TMEM8B: variants seen among roughly 807,000 people sequenced by gnomAD.
TMEM8B encodes the protein transmembrane protein 8B.
A neutral mutation model predicts 49.3 loss-of-function variants in TMEM8B; 29 were observed. The ratio of observed to expected loss-of-function variants is 0.59; its 90% CI spans 0.44 to 0.80. TMEM8B has a LOEUF of 0.80. Among genes scored for constraint, TMEM8B ranks in the 30% least tolerant of loss-of-function variants. The probability of loss-of-function intolerance (pLI) is 0.00; values close to 1 mark genes in which losing one functional copy is unlikely to be tolerated. For missense variants in TMEM8B, 575 were observed against 658.5 expected (o/e 0.87, Z 1.39); for synonymous variants, 264 against 272.8 (o/e 0.97, Z 0.32).
chr9:35,861,485 C>T lies in TMEM8B; in HGVS notation c.*7645C>T, dbSNP rs1450928668. 1 of 152,592 alleles carries T rather than the reference C, an allele frequency of 6.6e-6. No individual in the cohort carries two copies. The highest frequency in any genetic ancestry group is 2.4e-5 in the African/African-American group (1 of 41,454). The allele number at this position is 152,592 out of a possible 1,614,324, so 9.5% of individuals were successfully genotyped here. A position where few individuals can be genotyped will look rare whatever the true frequency, so the allele number is the denominator to read the frequency against. ...TGTGTCATTGTGCGCTGTGGTGCAC[C>T]TGTCTTCTCTACTACACCTTAAGAG... On this transcript the variant is annotated 3_prime_UTR_variant, in exon 13 of 13. Coordinates refer to ENST00000643932, the MANE Select transcript of TMEM8B (RefSeq NM_001042590.4).
At chr9:35,836,716 C>T (rs1830480016) in intron 3 of TMEM8B, among the ~76,000 whole-genome samples, 1 of 152,232 alleles carries the variant, frequency 6.6e-6, no homozygotes, top group Non-Finnish European at 1.5e-5. Flanking sequence ...ATAACTAGGT[C>T]TGACATGTGC....
At position 35,862,890 on chromosome 9, in the gene TMEM8B, G is replaced by A. The variant is rs1588199969; in HGVS notation, c.*9050G>A. The A allele has an allele frequency of 1.3e-5, 2 of 152,302 alleles. No homozygotes were observed. The highest frequency in any genetic ancestry group is 1.9e-4 in the East Asian group (1 of 5,186). 9.4% of individuals were successfully genotyped at this position (152,302 alleles called of 1,614,324 possible). A position where few individuals can be genotyped will look rare whatever the true frequency, so the allele number is the denominator to read the frequency against. On this transcript the variant is annotated 3_prime_UTR_variant, in exon 13 of 13. Coordinates refer to ENST00000643932, the MANE Select transcript of TMEM8B (RefSeq NM_001042590.4). ...TAGACTATGAGCTATTGCAGTGAAA[G>A]GGCTGTGTCCTTCATCACTGTCACC...
Position 35,829,847 on chromosome 9 carries a change from C to G in TMEM8B, c.400C>G (p.Pro134Ala), listed in dbSNP as rs951285445. ...ACCCAAGTCTCTCCCTCTAGTCCCC[C>G]CTATCTCTCATACTCTGCCCCTCTC... is the stretch of plus-strand genomic sequence containing the variant. Reference protein sequence around the residue: ...CLPKSLPLVPPISHTLPLSQP... With the variant: ...CLPKSLPLVPAISHTLPLSQP... Residue 134 changes from proline (P) to alanine (A), a missense_variant, in exon 1 of 13, where the codon CCT becomes GCT. Pro to Ala is a conservative substitution (Grantham distance 27). Transcript: ENST00000643932. 2.9e-5 allele frequency: 12 copies of G among 416,426 alleles called. No individual in the cohort carries two copies. The highest frequency in any genetic ancestry group is 3.1e-4 in the Middle Eastern group (1 of 3,226). The allele number at this position is 416,426 out of a possible 1,614,324, so 25.8% of individuals were successfully genotyped here.
rs1831169668 is a variant in TMEM8B, at chr9:35,842,942, GT to G, written c.1635+228del. 6.6e-6 allele frequency among the ~76,000 whole-genome samples: 1 copy of G among 152,188 alleles called. No homozygotes were observed. The highest frequency in any genetic ancestry group is 1.5e-5 in the Non-Finnish European group (1 of 68,026). On this transcript the variant is annotated intron_variant, in intron 6 of 12. Transcript: ENST00000643932. The surrounding 1 kb of genome is among the most constrained non-coding windows in gnomAD (Gnocchi z 5.6). ...CAACCAGGTCAACTCAGTGTCTGGG[GT>G]TTCCCAGTTTTGTAGGCTCACTTCC... is the stretch of plus-strand genomic sequence containing the variant.
Position 35,853,026 on chromosome 9 carries a change from C to T in TMEM8B, c.2322+53C>T. The T allele has an allele frequency of 6.2e-7, 1 of 1,611,972 alleles. No homozygotes were observed. Among genetic ancestry groups the T allele is most frequent in the Non-Finnish European group, 8.5e-7 (1 of 1,178,524 alleles). On this transcript the variant is annotated intron_variant, in intron 11 of 12. Transcript: ENST00000643932. The surrounding 1 kb of genome is among the most constrained non-coding windows in gnomAD (Gnocchi z 4.2). ...AACCATGGCCAAGTCTCCTTGAAAT[C>T]CACTCCTGACCTCTCCCTGGGGGCA...
At chr9:35,848,405 C>T (rs554645651) in intron 10 of TMEM8B, among the ~76,000 whole-genome samples, 78 of 152,320 alleles carry the variant, frequency 5.1e-4, no homozygotes, top group African/African-American at 1.4e-3. Context: ...AGCCCACTCT[C>T]GGCTACATGC....
At position 35,846,779 on chromosome 9, in the gene TMEM8B, G is replaced by A. The variant is rs367686498; in HGVS notation, c.1997-38G>A. On this transcript the variant is annotated intron_variant, in intron 9 of 12. Coordinates refer to ENST00000643932, the MANE Select transcript of TMEM8B (RefSeq NM_001042590.4). ...GCTGTGGCGTAGGCCCATAGCTGCCGTCTGTTCTCTTCCATTCTGTGCCTT... is the reference window on the plus strand; with the variant it reads ...GCTGTGGCGTAGGCCCATAGCTGCCATCTGTTCTCTTCCATTCTGTGCCTT... 3.1e-6 allele frequency: 5 copies of A among 1,589,624 alleles called. No homozygotes were observed. The African/African-American group carries it at 6.7e-5, about 21-fold the overall frequency.
In TMEM8B at chr9:35,834,534, C is replaced by T. The variant is rs543865814; in HGVS notation, c.582C>T (p.Thr194=). Reference sequence around the variant, plus strand: ...GTCCTTTCCGCTCCTTTGCCAGCACCGAGCTCTTCCACTTCCATGTTCCTG... The same window carrying T: ...GTCCTTTCCGCTCCTTTGCCAGCACTGAGCTCTTCCACTTCCATGTTCCTG... ...KLSPFRSFAS[T]ELFHFHVPED... Residue 194 remains threonine, a synonymous_variant, in exon 2 of 13, where the codon ACC becomes ACT. Transcript: ENST00000643932. The T allele has an allele frequency of 3.6e-5, 15 of 416,492 alleles. No individual in the cohort carries two copies. Among genetic ancestry groups the T allele is most frequent in the East Asian group, 3.2e-4 (9 of 28,092 alleles). 25.8% of individuals were successfully genotyped at this position (416,492 alleles called of 1,614,324 possible). A position where few individuals can be genotyped will look rare whatever the true frequency, so the allele number is the denominator to read the frequency against.
chr9:35,829,558 A>G lies in TMEM8B; in HGVS notation c.111A>G (p.Pro37=), dbSNP rs1023032161. 1.2e-4 allele frequency: 7 copies of G among 59,248 alleles called. No individual in the cohort carries two copies. Among genetic ancestry groups the G allele is most frequent in the African/African-American group, 5.4e-4 (7 of 12,864 alleles). The allele number at this position is 59,248 out of a possible 1,614,324, so 3.7% of individuals were successfully genotyped here. ...PHRPQPLPGS[P]SRTPFQSLPL... The stretch of plus-strand genomic sequence containing the variant: ...GGCCCCAGCCCCTGCCTGGGTCCCC[A>G]TCCAGGACCCCCTTCCAGTCTCTGC... Residue 37 remains proline (P), a synonymous_variant, in exon 1 of 13, where the codon CCA becomes CCG. Transcript: ENST00000643932.
At position 35,844,276 on chromosome 9, in the gene TMEM8B, T is replaced by C. The variant is rs114449942; in HGVS notation, c.1635+1559T>C. Among the ~76,000 whole-genome samples the C allele has an allele frequency of 5.1e-3, 783 of 152,390 alleles. 7 individuals carry two copies. The highest frequency in any genetic ancestry group is 0.017 in the African/African-American group (719 of 41,588). On this transcript the variant is annotated intron_variant, in intron 6 of 12. Coordinates refer to ENST00000643932, the MANE Select transcript of TMEM8B (RefSeq NM_001042590.4). ...CTCGGGCCTTCTCCACTTTGTGTAA[T>C]TCACACACTTGCAAAGCCAACTTTT...
At chr9:35,834,269 T>TA (rs1588126359) in intron 1 of TMEM8B, among the ~76,000 whole-genome samples, 192 bp from the exon 2 acceptor site, 1 of 152,122 alleles carries the variant, frequency 6.6e-6, no homozygotes, top group East Asian at 1.9e-4. Context: ...TGTTTTTTTT[T>TA]AAATAAGATT....
In TMEM8B at chr9:35,853,429, A is replaced by C; in HGVS notation, c.2440-76A>C. The C allele has an allele frequency of 6.5e-7, 1 of 1,543,140 alleles. No homozygotes were observed. The highest frequency in any genetic ancestry group is 1.2e-5 in the South Asian group (1 of 81,086). The stretch of plus-strand genomic sequence containing the variant: ...TTAGGTCACAACCAGGATACAGAGG[A>C]AACCTGAGAGTGACCAGCTCTGGCT... On this transcript the variant is annotated intron_variant, in intron 12 of 12. Transcript: ENST00000643932. The surrounding 1 kb of genome is among the most constrained non-coding windows in gnomAD (Gnocchi z 4.2).
In TMEM8B at chr9:35,864,436, G is replaced by C. The variant is rs971411358; in HGVS notation, c.*10596G>C. 5 of 152,242 alleles carry C rather than the reference G, an allele frequency of 3.3e-5. No individual in the cohort carries two copies. Among genetic ancestry groups the C allele is most frequent in the South Asian group, 4.1e-4 (2 of 4,836 alleles). The allele number at this position is 152,242 out of a possible 1,614,324, so 9.4% of individuals were successfully genotyped here. A position where few individuals can be genotyped will look rare whatever the true frequency, so the allele number is the denominator to read the frequency against. On this transcript the variant is annotated 3_prime_UTR_variant, in exon 13 of 13. Coordinates refer to ENST00000643932, the MANE Select transcript of TMEM8B (RefSeq NM_001042590.4). ...GATCTGGGATTCCTGCTTCCTGGCT[G>C]TGTGGCAGAGAAGATGAGGATGGCC...
rs369631507 is a variant in TMEM8B at position 35,852,961 on chromosome 9, C to G, written c.2310C>G (p.Pro770=). 6.2e-7 allele frequency: 1 copy of G among 1,614,150 alleles called. No individual in the cohort carries two copies. The highest frequency in any genetic ancestry group is 8.5e-7 in the Non-Finnish European group (1 of 1,180,030). Residue 770 remains proline (P), a synonymous_variant, in exon 11 of 13, where the codon CCC becomes CCG. Transcript: ENST00000643932. ...VTVIAMARLQ[P]VVKQVLYLLG... ...TCATTGCCATGGCTCGTTTACAGCC[C>G]GTGGTCAAGCAGGTCAGTCCAGAGT...
In TMEM8B at chr9:35,862,142, G is replaced by A. The variant is rs1000899613; in HGVS notation, c.*8302G>A. 1 of 152,194 alleles carries A rather than the reference G, an allele frequency of 6.6e-6. No individual in the cohort carries two copies. Among genetic ancestry groups the A allele is most frequent in the Non-Finnish European group, 1.5e-5 (1 of 68,042 alleles). 9.4% of individuals were successfully genotyped at this position (152,194 alleles called of 1,614,324 possible). On this transcript the variant is annotated 3_prime_UTR_variant, in exon 13 of 13. Coordinates refer to ENST00000643932, the MANE Select transcript of TMEM8B (RefSeq NM_001042590.4). ...TTATTGAGCACCTACTATGTGTTAG[G>A]CCCTGGGCCAGGTGCTGGGAATACA...
rs1159125209 is a variant in TMEM8B, at chr9:35,834,481, T to G, written c.529T>G (p.Tyr177Asp). 2 of 416,304 alleles carry G rather than the reference T, an allele frequency of 4.8e-6. No individual in the cohort carries two copies. Among genetic ancestry groups the G allele is most frequent in the African/African-American group, 4.1e-5 (2 of 48,636 alleles). The allele number at this position is 416,304 out of a possible 1,614,324, so 25.8% of individuals were successfully genotyped here. Residue 177 changes from tyrosine (Y) to aspartate (D), a missense_variant, in exon 2 of 13, where the codon TAC becomes GAC. Tyr to Asp is a radical substitution (Grantham distance 160). Coordinates refer to ENST00000643932, the MANE Select transcript of TMEM8B (RefSeq NM_001042590.4). ...CCCAGGAGGCCTTTTCCTGACTGAT[T>G]ACTCCACCTGCTCACCCCGCAAGCT... ...PGAGGLFLTD[Y>D]STCSPRKLSP...
rs1391020631 is a variant in TMEM8B at position 35,860,439 on chromosome 9, G to A, written c.*6599G>A. 1 of 152,180 alleles carries A rather than the reference G, an allele frequency of 6.6e-6. No individual in the cohort carries two copies. The highest frequency in any genetic ancestry group is 1.5e-5 in the Non-Finnish European group (1 of 68,032). 9.4% of individuals were successfully genotyped at this position (152,180 alleles called of 1,614,324 possible). On this transcript the variant is annotated 3_prime_UTR_variant, in exon 13 of 13. Coordinates refer to ENST00000643932, the MANE Select transcript of TMEM8B (RefSeq NM_001042590.4). The stretch of plus-strand genomic sequence containing the variant: ...TTCTGTGCTAGGTATCAGGTGCTGG[G>A]GCTATAGCAGTAAGGAAAGTAAGTG...
rs1831882416 is a variant in TMEM8B, at chr9:35,848,857, T to C, written c.2175+1862T>C. The stretch of plus-strand genomic sequence containing the variant: ...ACCTAGCTAATTTTTGTATTTTTAG[T>C]AGAGACAGGATTTCACCATGTTGGC... On this transcript the variant is annotated intron_variant, in intron 10 of 12. Coordinates refer to ENST00000643932, the MANE Select transcript of TMEM8B (RefSeq NM_001042590.4). Among the ~76,000 whole-genome samples the C allele has an allele frequency of 2.0e-5, 3 of 152,120 alleles. No homozygotes were observed. In the South Asian group the frequency reaches 6.2e-4, roughly 32 times the overall value.
In TMEM8B at chr9:35,831,683, C is replaced by G. The variant is rs201144107; in HGVS notation, c.508+1728C>G. On this transcript the variant is annotated intron_variant, in intron 1 of 12. Transcript: ENST00000643932. ...GCAAGCATTGGGCTGGTGAGGGGAG[C>G]AGGGTGACCGACAGCCACAGAGCAT... Among the ~76,000 whole-genome samples, 6 of 152,310 alleles carry G rather than the reference C, an allele frequency of 3.9e-5. No homozygotes were observed. In the East Asian group the frequency reaches 1.2e-3, roughly 29 times the overall value.
Sources: gnomAD v4.1 joint callset for allele counts (sites outside exome capture counted in the v4.1 genomes callset) on GRCh38, gnomAD v4.1.1 for gene constraint, Gnocchi (gnomAD v3.1) non-coding constraint, MANE v1.5 for transcripts, NCBI Gene and HGNC (gene_info 2026-07-23, HGNC 2026-07-21) for gene names.